The following NF1 variants were observed in gnomAD, a reference collection of about 807,000 sequenced individuals.
The protein encoded by NF1 is neurofibromin 1.
In NF1, 122 loss-of-function variants were observed where a neutral mutation model predicts 325.7. The ratio of observed to expected loss-of-function variants is 0.37; its 90% CI spans 0.32 to 0.44. The LOEUF is 0.44. Ranked by LOEUF, NF1 falls within the 20% of genes least tolerant of loss-of-function variation. The pLI, the probability that NF1 is intolerant of heterozygous loss-of-function variation, is 1.00. For synonymous variants in NF1, 1,091 were observed against 1,186.0 expected (o/e 0.92, Z 1.65); for missense variants, 2,140 against 3,415.4 (o/e 0.63, Z 9.31).
At chr17:31,330,764 A>G (rs2069461584) in intron 39 of NF1, 2 of 370,402 alleles carry the variant, frequency 5.4e-6, no homozygotes, top group Non-Finnish European at 9.7e-6. Context: ...ACCACTTACA[A>G]AGTATTTTCT....
chr17:31,237,260 A>C (rs1388463663), intron 29 of NF1, among the ~76,000 whole-genome samples: 1 of 152,082 alleles, frequency 6.6e-6, no homozygotes, highest in Non-Finnish European at 1.5e-5. Flanking sequence ...ACTTAAAAGC[A>C]ATTTTTATAT....
chr17:31,257,033 C>T (rs1449383995), intron 31 of NF1, among the ~76,000 whole-genome samples: 1 of 152,138 alleles, frequency 6.6e-6, no homozygotes, highest in Non-Finnish European at 1.5e-5. Flanking sequence ...CTGCATGAAG[C>T]ACTACATTGA....
At chr17:31,351,708 G>A (rs17878511) in intron 50 of NF1, among the ~76,000 whole-genome samples, 4,348 of 152,336 alleles carry the variant, frequency 0.029, 104 homozygotes, top group Non-Finnish European at 0.044. Flanking sequence ...GAGCCACAGC[G>A]CCCAGCCAAT....
intron 1 of NF1, among the ~76,000 whole-genome samples, chr17:31,122,306 A>T (rs1157728192): frequency 6.6e-6 from 1 of 152,194 alleles, no homozygotes; most frequent in Admixed American, 6.5e-5. Context: ...GAGGAGATTT[A>T]AGTGAATAAG....
intron 1 of NF1, among the ~76,000 whole-genome samples, chr17:31,103,871 GA>G (rs202160414): frequency 6.6e-6 from 1 of 151,262 alleles, no homozygotes; most frequent in Non-Finnish European, 1.5e-5. Flanking sequence ...GTAAAGAAAA[GA>G]AAAAAAACAG....
At chr17:31,352,187 G>A in intron 50 of NF1, 70 bp from the exon 51 acceptor site, 2 of 1,468,566 alleles carry the variant, frequency 1.4e-6, no homozygotes, top group South Asian at 2.3e-5. Flanking sequence ...ACAGCCACTT[G>A]GAAGGAGCAA....
chr17:31,152,163 A>G (rs1002906925), intron 1 of NF1, among the ~76,000 whole-genome samples: 3 of 108,350 alleles, frequency 2.8e-5, no homozygotes, highest in Non-Finnish European at 7.3e-5. Flanking sequence ...GTCTGATGAG[A>G]GTCTAATTTT....
chr17:31,098,614 A>G (rs1911991907), intron 1 of NF1, among the ~76,000 whole-genome samples: 1 of 151,996 alleles, frequency 6.6e-6, no homozygotes, highest in African/African-American at 2.4e-5. Context: ...AAAGCCCTGC[A>G]TGTACTGAGA....
intron 55 of NF1, 171 bp downstream of exon 55, chr17:31,358,793 A>G (rs2070334543): frequency 2.8e-6 from 3 of 1,078,074 alleles, no homozygotes; most frequent in African/African-American, 3.2e-5. Context: ...CTGGTTGACA[A>G]CTTTTTATGC....
intron 36 of NF1, among the ~76,000 whole-genome samples, chr17:31,300,632 A>G (rs146829299): frequency 1.3e-4 from 20 of 152,208 alleles, no homozygotes; most frequent in African/African-American, 4.1e-4. Flanking sequence ...AAATAATTTT[A>G]TATGTTTGCC....
At chr17:31,160,064 G>GA (rs2065735778) in intron 3 of NF1, among the ~76,000 whole-genome samples, 1 of 151,960 alleles carries the variant, frequency 6.6e-6, no homozygotes, top group African/African-American at 2.4e-5. Context: ...GGCTGTAAGC[G>GA]AAAAAATGTA....
chr17:31,253,211 A>G, intron 31 of NF1: 1 of 527,340 alleles, frequency 1.9e-6, no homozygotes, highest in Admixed American at 3.1e-5. Context: ...GATTTATCCC[A>G]AAGGCAATTT....
In NF1 at chr17:31,230,578, A is replaced by T. The variant is rs1597717227; in HGVS notation, c.3113+196A>T. Reference sequence around the variant, plus strand: ...TGTGACAATGCTCCCTTTTTCTAAAACTGTGCTATACTTGAGCTAAGAATT... The same window carrying T: ...TGTGACAATGCTCCCTTTTTCTAAATCTGTGCTATACTTGAGCTAAGAATT... On this transcript the variant is annotated intron_variant, in intron 23 of 57. Transcript: ENST00000358273. Among the ~76,000 whole-genome samples, 3 of 152,210 alleles carry T rather than the reference A, an allele frequency of 2.0e-5. No homozygotes were observed. The South Asian group carries it at 6.2e-4, about 32-fold the overall frequency.
intron 1 of NF1, among the ~76,000 whole-genome samples, chr17:31,110,356 C>G (rs149100201): frequency 6.6e-6 from 1 of 152,220 alleles, no homozygotes; most frequent in Admixed American, 6.5e-5. Flanking sequence ...CTGACATTTG[C>G]TGATTCTGGA....
At chr17:31,117,730 A>T (rs1914075878) in intron 1 of NF1, among the ~76,000 whole-genome samples, 2 of 147,364 alleles carry the variant, frequency 1.4e-5, no homozygotes, top group African/African-American at 2.5e-5. Context: ...CATAGAAGGG[A>T]CTCAATAAAT....
At chr17:31,296,268 T>C in intron 36 of NF1, 1 of 1,614,092 alleles carries the variant, frequency 6.2e-7, no homozygotes, top group Non-Finnish European at 8.5e-7. Flanking sequence ...ATGCATAAAA[T>C]ACCAGGTGTG....
chr17:31,184,604 T>C (rs1234948962), intron 8 of NF1, among the ~76,000 whole-genome samples: 1 of 146,552 alleles, frequency 6.8e-6, no homozygotes, highest in Non-Finnish European at 1.5e-5. Flanking sequence ...GAGCCGAGAT[T>C]GCGCCACTGC....
chr17:31,243,182 G>C (rs1335364759), intron 29 of NF1, among the ~76,000 whole-genome samples: 2 of 144,970 alleles, frequency 1.4e-5, no homozygotes, highest in African/African-American at 5.4e-5. Flanking sequence ...CTCTCTCTCT[G>C]TCTGTGTGTG....
intron 37 of NF1, among the ~76,000 whole-genome samples, chr17:31,326,694 G>A (rs2069352229): frequency 6.6e-6 from 1 of 152,140 alleles, no homozygotes; most frequent in Non-Finnish European, 1.5e-5. Context: ...ACCAACATTT[G>A]TGTCATCATG....
Sources: gnomAD v4.1 joint callset for allele counts (sites outside exome capture counted in the v4.1 genomes callset) on GRCh38, gnomAD v4.1.1 for gene constraint, MANE v1.5 for transcripts, NCBI Gene and HGNC (gene_info 2026-07-23, HGNC 2026-07-21) for gene names.